Variants in RIMS2 observed in about 807,000 individuals in gnomAD.
RIMS2 encodes regulating synaptic membrane exocytosis 2, also known as regulating synaptic membrane exocytosis protein 2.
RIMS2 carries 59 observed loss-of-function variants against 174.4 expected under a neutral mutation model. The ratio of observed to expected loss-of-function variants is 0.34; its 90% CI spans 0.27 to 0.42. The LOEUF (loss-of-function observed/expected upper bound fraction) is 0.42, where lower values mean the gene tolerates loss of function less well. RIMS2 is among the 10% of genes least tolerant of loss of function. RIMS2 has a pLI of 1.00. For missense variants in RIMS2, 1,620 were observed against 1,666.3 expected (o/e 0.97, Z 0.48); for synonymous variants, 606 against 572.5 (o/e 1.06, Z -0.84).
intron 19 of RIMS2, 127 bp downstream of exon 24, chr8:104,093,770 T>G: frequency 1.6e-6 from 1 of 613,212 alleles, no homozygotes; most frequent in Admixed American, 3.4e-5. Flanking sequence ...GAGCTTAACT[T>G]CAGTACATAC....
intron 2 of RIMS2, among the ~76,000 whole-genome samples, chr8:103,713,107 T>C (rs2097327669): frequency 6.6e-6 from 1 of 152,006 alleles, no homozygotes; most frequent in Non-Finnish European, 1.5e-5. Flanking sequence ...CAACCTCCAC[T>C]TCCTGGGTTC....
At chr8:103,608,956 G>A (rs895104253) in intron 1 of RIMS2, among the ~76,000 whole-genome samples, 20 of 152,294 alleles carry the variant, frequency 1.3e-4, no homozygotes, top group East Asian at 5.8e-4. Context: ...CTTCTTCTGC[G>A]TTGCTCACGC....
intron 3 of RIMS2, among the ~76,000 whole-genome samples, chr8:103,800,882 G>GTT (rs1307152099): frequency 1.3e-5 from 2 of 152,198 alleles, no homozygotes; most frequent in African/African-American, 4.8e-5. Flanking sequence ...TTCTAGAATA[G>GTT]TTTTTATAGA....
intron 1 of RIMS2, among the ~76,000 whole-genome samples, chr8:103,579,493 A>G (rs909324428): frequency 1.3e-5 from 2 of 152,240 alleles, no homozygotes; most frequent in African/African-American, 4.8e-5. Flanking sequence ...AACAATAATC[A>G]TAGTTATAGC....
intron 14 of RIMS2, among the ~76,000 whole-genome samples, chr8:103,946,848 A>G (rs898438735): frequency 6.6e-6 from 1 of 152,224 alleles, no homozygotes; most frequent in Admixed American, 6.5e-5. Flanking sequence ...TTCCATACTT[A>G]TTGTACAGCT....
chr8:104,084,212 G>T (rs919839855), intron 19 of RIMS2, among the ~76,000 whole-genome samples: 2 of 151,718 alleles, frequency 1.3e-5, no homozygotes, highest in Admixed American at 6.6e-5. Flanking sequence ...AGGCCGAGGC[G>T]GGTGGATCAC....
intron 2 of RIMS2, among the ~76,000 whole-genome samples, chr8:103,759,580 A>G (rs989212756): frequency 6.6e-6 from 1 of 151,442 alleles, no homozygotes; most frequent in Non-Finnish European, 1.5e-5. Context: ...AAAAAAAAAA[A>G]AAAAAAAAGA....
chr8:103,650,589 C>T (rs371213956), intron 1 of RIMS2, among the ~76,000 whole-genome samples: 125 of 152,314 alleles, frequency 8.2e-4, no homozygotes, highest in African/African-American at 2.8e-3. Context: ...AAGCTCTGTC[C>T]GGAGAATCCT....
chr8:103,775,212 T>C (rs1388607581), intron 3 of RIMS2, among the ~76,000 whole-genome samples: 2 of 152,098 alleles, frequency 1.3e-5, no homozygotes, highest in African/African-American at 4.8e-5. Flanking sequence ...ATGATTGCCA[T>C]GACTCTTATT....
intron 19 of RIMS2, among the ~76,000 whole-genome samples, chr8:104,224,078 AGGCGGCGCCTCTTCG>A (rs2099170123): frequency 6.6e-6 from 1 of 152,262 alleles, no homozygotes; most frequent in Admixed American, 6.5e-5. Flanking sequence ...GTGGGAGGCA[AGGCGGCGCCTCTTCG>A]GTGCACCCCA....
At chr8:103,543,631 TG>T (rs1189494128) in intron 1 of RIMS2, among the ~76,000 whole-genome samples, 1 of 152,166 alleles carries the variant, frequency 6.6e-6, no homozygotes, top group Non-Finnish European at 1.5e-5. Context: ...CAAAACAGCA[TG>T]GTACTATAAA....
At chr8:103,931,481 G>C in intron 12 of RIMS2, 88 bp downstream of exon 14, 1 of 875,186 alleles carries the variant, frequency 1.1e-6, no homozygotes, top group Non-Finnish European at 1.7e-6. Context: ...ATCATTTATT[G>C]GTATCATACT....
At chr8:104,138,713 G>A (rs374496912) in intron 19 of RIMS2, among the ~76,000 whole-genome samples, 23 of 151,574 alleles carry the variant, frequency 1.5e-4, no homozygotes, top group African/African-American at 5.1e-4. Context: ...CTCCTATTCT[G>A]TGGATTGTCT....
At chr8:104,189,847 A>G (rs919370440) in intron 19 of RIMS2, among the ~76,000 whole-genome samples, 6 of 151,974 alleles carry the variant, frequency 3.9e-5, no homozygotes, top group African/African-American at 1.4e-4. Flanking sequence ...TTTGCTTCAG[A>G]GATCAAAATA....
chr8:103,598,525 G>T (rs1011253640), intron 1 of RIMS2, among the ~76,000 whole-genome samples: 1 of 152,116 alleles, frequency 6.6e-6, no homozygotes, highest in African/African-American at 2.4e-5. Flanking sequence ...TTATACTGTG[G>T]CAGGATTATA....
At chr8:104,169,848 G>T (rs2098821831) in intron 19 of RIMS2, among the ~76,000 whole-genome samples, 1 of 151,866 alleles carries the variant, frequency 6.6e-6, no homozygotes, top group Non-Finnish European at 1.5e-5. Context: ...GCTTTTGCCA[G>T]AGGTTTTGAT....
chr8:103,564,612 C>G (rs1359102017), intron 1 of RIMS2, among the ~76,000 whole-genome samples: 1 of 152,128 alleles, frequency 6.6e-6, no homozygotes, highest in East Asian at 1.9e-4. Context: ...AACTTGGAGT[C>G]CAGTGTTTGA....
chr8:103,904,437 T>C (rs1452783644), intron 4 of RIMS2, among the ~76,000 whole-genome samples: 1 of 152,136 alleles, frequency 6.6e-6, no homozygotes, highest in Non-Finnish European at 1.5e-5. Context: ...TGATCTTAGC[T>C]GTTGGATTTT....
At chr8:103,899,382 T>C (rs527437051) in intron 4 of RIMS2, among the ~76,000 whole-genome samples, 1 of 151,870 alleles carries the variant, frequency 6.6e-6, no homozygotes, top group South Asian at 2.1e-4. Context: ...CTCCAGCACC[T>C]GTTGTTTCCT....
Sources: gnomAD v4.1 joint callset for allele counts (sites outside exome capture counted in the v4.1 genomes callset) on GRCh38, gnomAD v4.1.1 for gene constraint, MANE v1.5 for transcripts, NCBI Gene and HGNC (gene_info 2026-07-23, HGNC 2026-07-21) for gene names.